PDZK1: variants seen among roughly 807,000 people sequenced by gnomAD.
PDZK1 encodes the protein Na(+)/H(+) exchange regulatory cofactor NHE-RF3.
PDZK1 carries 23 observed loss-of-function variants against 38.1 expected under a neutral mutation model. That is an observed-to-expected ratio of 0.60 (90% CI 0.43 to 0.85). PDZK1 has a LOEUF of 0.85. Among genes scored for constraint, PDZK1 ranks in the 40% least tolerant of loss-of-function variants. PDZK1 has a pLI of 0.00. For synonymous variants in PDZK1, 98 were observed against 186.2 expected, an observed-to-expected ratio of 0.53 and a Z score of 3.86; for missense variants, 297 against 504.3, an observed-to-expected ratio of 0.59 and a Z score of 3.94.
chr1:145,672,060 T>C (rs1280896657), intron 8 of PDZK1, among the ~76,000 whole-genome samples: 1 of 152,202 alleles, frequency 6.6e-6, no homozygotes, highest in Non-Finnish European at 1.5e-5. Flanking sequence ...CTTTATGAAC[T>C]TGGATAAGTC....
At chr1:145,674,201 C>T (rs2101868624) in intron 6 of PDZK1, 1 of 985,310 alleles carries the variant, frequency 1.0e-6, no homozygotes, top group African/African-American at 1.7e-5. Flanking sequence ...TGATAGTGAG[C>T]AAGTCACTGA....
chr1:145,696,640 T>C (rs1422826510), intron 1 of PDZK1, among the ~76,000 whole-genome samples: 5 of 152,154 alleles, frequency 3.3e-5, no homozygotes, highest in African/African-American at 9.7e-5. Context: ...GCCTCTAGAA[T>C]CATGAGAAAA....
At chr1:145,694,895 C>CAA (rs10657290) in intron 1 of PDZK1, among the ~76,000 whole-genome samples, 845 of 39,536 alleles carry the variant, frequency 0.021, 32 homozygotes, top group African/African-American at 0.047. Context: ...GACTCTGTCT[C>CAA]AAAAAAAAAA....
At chr1:145,674,933 A>G (rs587608253) in intron 6 of PDZK1, among the ~76,000 whole-genome samples, 20 of 152,336 alleles carry the variant, frequency 1.3e-4, no homozygotes, top group African/African-American at 4.6e-4. Context: ...CACAGGAATA[A>G]TTGGTGAGAG....
At chr1:145,699,349 T>C (rs1446273456) in intron 1 of PDZK1, among the ~76,000 whole-genome samples, 1 of 151,746 alleles carries the variant, frequency 6.6e-6, no homozygotes, top group Non-Finnish European at 1.5e-5. Flanking sequence ...ACCCGGGAGG[T>C]GGAGGTTGCA....
intron 1 of PDZK1, among the ~76,000 whole-genome samples, chr1:145,701,497 C>T (rs1655958189): frequency 6.6e-6 from 1 of 152,122 alleles, no homozygotes; most frequent in Non-Finnish European, 1.5e-5. Flanking sequence ...TTGAGGAATG[C>T]TGTTCTTGCA....
At chr1:145,701,034 G>A (rs929414382) in intron 1 of PDZK1, among the ~76,000 whole-genome samples, 1 of 151,848 alleles carries the variant, frequency 6.6e-6, no homozygotes, top group Non-Finnish European at 1.5e-5. Context: ...GTGAAACCCC[G>A]TCTCTACTAA....
intron 1 of PDZK1, among the ~76,000 whole-genome samples, chr1:145,701,801 G>C (rs587628405): frequency 6.6e-6 from 1 of 152,288 alleles, no homozygotes; most frequent in Admixed American, 6.5e-5. Flanking sequence ...GCAAGGAAGA[G>C]ATAAAGACAA....
Position 145,682,585 on chromosome 1 carries a change from C to T in PDZK1, c.512G>A (p.Arg171Lys), listed in dbSNP as rs138296787. The T allele has an allele frequency of 0.025, 39,360 of 1,578,486 alleles. No individual in the cohort carries two copies. The highest frequency in any genetic ancestry group is 0.054 in the African/African-American group (3,853 of 72,002). Residue 171 changes from arginine (R) to lysine (K), a missense_variant, in exon 4 of 9, where the codon AGA (arginine) becomes AAA (lysine). Transcript: ENST00000417171. ...TDITPQGVAMRAGVLADDHLI... is the reference protein window; with the variant it reads ...TDITPQGVAMKAGVLADDHLI... The stretch of plus-strand genomic sequence containing the variant: ...GTGATCATCAGCCAGAACTCCAGCT[C>T]TCATAGCCACACCTTGAGGTGTAAT...
intron 4 of PDZK1, among the ~76,000 whole-genome samples, chr1:145,681,580 G>T (rs1553700387): frequency 7.0e-6 from 1 of 143,472 alleles, no homozygotes; most frequent in Non-Finnish European, 1.5e-5. Flanking sequence ...GAGCCACCGC[G>T]CCCGGCCCCT....
At position 145,680,051 on chromosome 1, in the gene PDZK1, A is replaced by T. The variant is rs587651867; in HGVS notation, c.793+861T>A. The stretch of plus-strand genomic sequence containing the variant: ...CCTGAACTCAAGTGCCACCCCTACT[A>T]TGAGGGCTTCTGGTACCTTTTTAGT... On this transcript the variant is annotated intron_variant, in intron 5 of 8. Transcript: ENST00000417171. Among the ~76,000 whole-genome samples the T allele has an allele frequency of 2.1e-4, 32 of 152,158 alleles. 1 individual carries two copies. The highest frequency in any genetic ancestry group is 5.2e-4 in the Admixed American group (8 of 15,288).
At chr1:145,680,382 C>T (rs1229754631) in intron 5 of PDZK1, among the ~76,000 whole-genome samples, 2 of 152,046 alleles carry the variant, frequency 1.3e-5, no homozygotes, top group African/African-American at 4.8e-5. Context: ...TATGTATTTA[C>T]CTTCCCTGAA....
intron 1 of PDZK1, among the ~76,000 whole-genome samples, chr1:145,704,538 C>T (rs1656147332): frequency 2.6e-5 from 4 of 152,098 alleles, no homozygotes; most frequent in South Asian, 2.1e-4. Flanking sequence ...TCATAACTTC[C>T]GGAACTAGGT....
intron 1 of PDZK1, among the ~76,000 whole-genome samples, chr1:145,698,384 AC>A (rs1229673503): frequency 6.6e-6 from 1 of 152,186 alleles, no homozygotes; most frequent in African/African-American, 2.4e-5. Context: ...TTCTATGTAA[AC>A]CAAAAGAGAA....
At chr1:145,686,802 C>T in intron 2 of PDZK1, 76 bp from the exon 3 acceptor site, 1 of 692,964 alleles carries the variant, frequency 1.4e-6, no homozygotes, top group South Asian at 1.9e-5. Flanking sequence ...CCATCTGGCT[C>T]AATATCTGGC....
At chr1:145,696,583 G>A (rs1298122828) in intron 1 of PDZK1, among the ~76,000 whole-genome samples, 3 of 152,194 alleles carry the variant, frequency 2.0e-5, no homozygotes, top group African/African-American at 4.8e-5. Context: ...GAGAAGACAG[G>A]AGAGGGGCCT....
At chr1:145,676,959 G>A (rs1653741053) in intron 6 of PDZK1, among the ~76,000 whole-genome samples, 1 of 152,002 alleles carries the variant, frequency 6.6e-6, no homozygotes, top group African/African-American at 2.4e-5. Context: ...TACATGCTCT[G>A]AATATTCCAA....
chr1:145,680,594 T>A (rs587656812), intron 5 of PDZK1, among the ~76,000 whole-genome samples: 24 of 152,136 alleles, frequency 1.6e-4, no homozygotes, highest in Non-Finnish European at 3.2e-4. Context: ...GGGAGGAGTA[T>A]TTACATCACA....
chr1:145,680,523 A>G (rs1459615279), intron 5 of PDZK1, among the ~76,000 whole-genome samples: 1 of 152,016 alleles, frequency 6.6e-6, no homozygotes, highest in African/African-American at 2.4e-5. Flanking sequence ...CACAAAAGCC[A>G]ATTCTGTGCA....
Sources: allele counts gnomAD v4.1 joint callset (sites outside exome capture counted in the v4.1 genomes callset), GRCh38; gene constraint gnomAD v4.1.1; transcripts MANE v1.5; gene names NCBI Gene and HGNC (gene_info 2026-07-23, HGNC 2026-07-21).